EYA1: variants seen among roughly 807,000 people sequenced by gnomAD.
The protein encoded by EYA1 is protein phosphatase EYA1.
Under a neutral mutation model 82.0 loss-of-function variants are expected in EYA1, and 16 were observed. The ratio of observed to expected loss-of-function variants is 0.20; its 90% CI spans 0.13 to 0.30. EYA1 has a LOEUF of 0.30. Ranked by LOEUF, EYA1 falls within the 10% of genes least tolerant of loss-of-function variation. The pLI is 1.00. For missense variants in EYA1, 633 were observed against 730.7 expected, an observed-to-expected ratio of 0.87 and a Z score of 1.54; for synonymous variants, 261 against 264.4, an observed-to-expected ratio of 0.99 and a Z score of 0.12.
intron 9 of EYA1, among the ~76,000 whole-genome samples, chr8:71,286,296 C>T (rs540871081): frequency 1.1e-4 from 16 of 152,320 alleles, no homozygotes; most frequent in African/African-American, 3.6e-4. Context: ...CAGGAGCACA[C>T]CCTCGTGGTA....
At chr8:71,384,444 G>A (rs1828869990) in intron 2 of EYA1, among the ~76,000 whole-genome samples, 1 of 152,108 alleles carries the variant, frequency 6.6e-6, no homozygotes, top group Admixed American at 6.6e-5. Flanking sequence ...ACCAGTGCAG[G>A]CCAGGCTGGG....
intron 12 of EYA1, among the ~76,000 whole-genome samples, chr8:71,227,453 A>G (rs1810692606): frequency 6.6e-6 from 1 of 152,276 alleles, no homozygotes; most frequent in African/African-American, 2.4e-5. Context: ...TTTTATTGCA[A>G]ACTTGCTGCC....
intron 2 of EYA1, among the ~76,000 whole-genome samples, chr8:71,437,055 C>CAT (rs34634844): frequency 0.9 from 130,050 of 144,710 alleles, 59,291 homozygotes; most frequent in Middle Eastern, 0.99. Flanking sequence ...TGTATATCTA[C>CAT]ATATATATAT....
intron 12 of EYA1, among the ~76,000 whole-genome samples, chr8:71,223,633 C>T (rs1435032953): frequency 1.3e-5 from 2 of 152,204 alleles, no homozygotes; most frequent in East Asian, 3.9e-4. Flanking sequence ...GGCAAATGCA[C>T]ATTCGCTCTT....
At chr8:71,317,444 A>G in intron 7 of EYA1, 108 bp downstream of exon 7, 1 of 1,204,970 alleles carries the variant, frequency 8.3e-7, no homozygotes, top group Non-Finnish European at 1.2e-6. Flanking sequence ...TCTAAGCCCA[A>G]TCCAGTTGCC....
At chr8:71,313,334 G>T (rs1303707027) in intron 7 of EYA1, among the ~76,000 whole-genome samples, 2 of 151,880 alleles carry the variant, frequency 1.3e-5, no homozygotes, top group Non-Finnish European at 2.9e-5. Flanking sequence ...TCTCTTTCAT[G>T]TCTAAAATAT....
At chr8:71,325,527 G>T (rs562694153) in intron 4 of EYA1, among the ~76,000 whole-genome samples, 1 of 152,284 alleles carries the variant, frequency 6.6e-6, no homozygotes, top group South Asian at 2.1e-4. Flanking sequence ...TGTTTAAAAA[G>T]AATGTGAGAA....
At chr8:71,419,652 TTTA>T (rs1359130192) in intron 2 of EYA1, among the ~76,000 whole-genome samples, 7 of 152,172 alleles carry the variant, frequency 4.6e-5, no homozygotes, top group Non-Finnish European at 8.8e-5. Flanking sequence ...CTTTCTATTT[TTTA>T]TTATTTTGAA....
intron 2 of EYA1, among the ~76,000 whole-genome samples, chr8:71,375,707 C>A (rs1828333012): frequency 1.3e-5 from 2 of 152,106 alleles, no homozygotes; most frequent in African/African-American, 2.4e-5. Flanking sequence ...CGGCTCACTG[C>A]AACTTCTGCC....
At chr8:71,218,124 A>AAAG (rs2128857333) in intron 12 of EYA1, among the ~76,000 whole-genome samples, 1 of 152,300 alleles carries the variant, frequency 6.6e-6, no homozygotes, top group South Asian at 2.1e-4. Context: ...TATTTCCATT[A>AAAG]AAGTTTTAGT....
chr8:71,444,337 A>G (rs142048940), intron 2 of EYA1, among the ~76,000 whole-genome samples: 2 of 152,364 alleles, frequency 1.3e-5, no homozygotes, highest in East Asian at 1.9e-4. Context: ...GGACACAGAT[A>G]TAGAAAAGAC....
At chr8:71,354,303 A>AACTTGT (rs1325307176) in intron 3 of EYA1, among the ~76,000 whole-genome samples, 2 of 152,198 alleles carry the variant, frequency 1.3e-5, no homozygotes, top group Non-Finnish European at 2.9e-5. Flanking sequence ...CAAAGCCTTA[A>AACTTGT]GAACACTAGG....
rs138319962 is a variant in EYA1 at position 71,397,846 on chromosome 8, G to A, written c.34-41335C>T. On this transcript the variant is annotated intron_variant, in intron 2 of 18. Transcript: ENST00000643681. ...TTTGAATGTTGGCCTGCCTTGCCAC[G>A]TTGTGGAAGTTCTCCTGGATAACAT... Among the ~76,000 whole-genome samples, 348 of 152,150 alleles carry A rather than the reference G, an allele frequency of 2.3e-3. 3 individuals are homozygous for A. The East Asian group carries it at 0.033, about 14-fold the overall frequency.
At chr8:71,366,873 C>T (rs150156352), upstream of EYA1, among the ~76,000 whole-genome samples, 1,683 of 151,810 alleles carry the variant, frequency 0.011, 16 homozygotes, top group Middle Eastern at 0.027. Flanking sequence ...AGGTGATAGC[C>T]CATAAAGTTA....
chr8:71,254,180 T>C (rs16937531), intron 11 of EYA1, among the ~76,000 whole-genome samples: 13,767 of 138,110 alleles, frequency 0.1, 935 homozygotes, highest in African/African-American at 0.2. Flanking sequence ...CCAACTGGAG[T>C]ACTGAAGTTT....
intron 2 of EYA1, among the ~76,000 whole-genome samples, chr8:71,488,806 A>G (rs1219054933): frequency 6.6e-6 from 1 of 152,206 alleles, no homozygotes; most frequent in Non-Finnish European, 1.5e-5. Context: ...TAACTAAAGA[A>G]TGTCCAACTT....
chr8:71,208,274 A>G (rs1808068449), intron 17 of EYA1, among the ~76,000 whole-genome samples: 1 of 152,102 alleles, frequency 6.6e-6, no homozygotes, highest in African/African-American at 2.4e-5. Context: ...TCTACTAAAA[A>G]TACAAAAATT....
chr8:71,373,589 T>C (rs1828202730), intron 2 of EYA1, among the ~76,000 whole-genome samples: 1 of 152,170 alleles, frequency 6.6e-6, no homozygotes, highest in Admixed American at 6.5e-5. Flanking sequence ...TTCAATGTGA[T>C]TCCTGTCAAA....
chr8:71,529,368 T>C (rs2129281087), intron 2 of EYA1: 1 of 152,318 alleles, frequency 6.6e-6, no homozygotes, highest in East Asian at 1.9e-4. Flanking sequence ...GATACAGCAT[T>C]TAACTGATAG....
Sources: allele counts gnomAD v4.1 joint callset (sites outside exome capture counted in the v4.1 genomes callset), GRCh38; gene constraint gnomAD v4.1.1; transcripts MANE v1.5; gene names NCBI Gene and HGNC (gene_info 2026-07-23, HGNC 2026-07-21).